TMCC3: variants seen among roughly 807,000 people sequenced by gnomAD.
TMCC3 encodes the protein transmembrane and coiled-coil domain protein 3.
In TMCC3, 28 loss-of-function variants were observed where a neutral mutation model predicts 40.2. That is an observed-to-expected ratio of 0.70 (90% CI 0.52 to 0.95). TMCC3 has a LOEUF of 0.95. Ranked by LOEUF, TMCC3 falls within the 40% of genes least tolerant of loss-of-function variation. The pLI, the probability that TMCC3 is intolerant of heterozygous loss-of-function variation, is 0.00. For synonymous variants in TMCC3, 255 were observed against 248.5 expected (o/e 1.03, Z -0.25); for missense variants, 554 against 615.2 (o/e 0.90, Z 1.05).
chr12:94,649,441 A>C (rs1195878644), intron 1 of TMCC3, among the ~76,000 whole-genome samples: 3 of 152,236 alleles, frequency 2.0e-5, no homozygotes, highest in Non-Finnish European at 4.4e-5. Context: ...ACAAGCGAGT[A>C]AGTAGTTGGC....
intron 1 of TMCC3, among the ~76,000 whole-genome samples, chr12:94,597,302 C>T (rs904505814): frequency 6.7e-6 from 1 of 149,732 alleles, no homozygotes; most frequent in Non-Finnish European, 1.5e-5. Flanking sequence ...GCGACAAAGC[C>T]AGACTCTGTC....
At chr12:94,620,565 G>C (rs1255361567) in intron 1 of TMCC3, among the ~76,000 whole-genome samples, 1 of 151,928 alleles carries the variant, frequency 6.6e-6, no homozygotes, top group East Asian at 1.9e-4. Flanking sequence ...TGGGATTACA[G>C]GCATGAGCTA....
At chr12:94,629,928 C>T (rs559885572) in intron 1 of TMCC3, among the ~76,000 whole-genome samples, 2 of 152,218 alleles carry the variant, frequency 1.3e-5, no homozygotes, top group South Asian at 4.1e-4. Context: ...GTTATATATG[C>T]CCATTTAACA....
At chr12:94,619,849 T>C (rs945814876) in intron 1 of TMCC3, among the ~76,000 whole-genome samples, 1 of 152,198 alleles carries the variant, frequency 6.6e-6, no homozygotes, top group African/African-American at 2.4e-5. Context: ...TCAAGACTAT[T>C]TCTGTAAAGA....
At chr12:94,632,614 C>A (rs1176229075) in intron 1 of TMCC3, among the ~76,000 whole-genome samples, 1 of 152,128 alleles carries the variant, frequency 6.6e-6, no homozygotes, top group African/African-American at 2.4e-5. Context: ...TGAAGAAGTT[C>A]TTTTTTCTTT....
intron 1 of TMCC3, among the ~76,000 whole-genome samples, chr12:94,645,421 A>C (rs1354937439): frequency 3.3e-5 from 5 of 152,074 alleles, no homozygotes; most frequent in African/African-American, 1.2e-4. Context: ...TTCAGATTTC[A>C]GATTTTGGAA....
chr12:94,588,143 C>T (rs1232588080), intron 1 of TMCC3, among the ~76,000 whole-genome samples: 1 of 152,196 alleles, frequency 6.6e-6, no homozygotes, highest in African/African-American at 2.4e-5. Context: ...TCACCGGACA[C>T]GGGCACAGCA....
At chr12:94,615,207 C>G (rs527940673) in intron 1 of TMCC3, among the ~76,000 whole-genome samples, 38 of 152,336 alleles carry the variant, frequency 2.5e-4, no homozygotes, top group African/African-American at 8.7e-4. Context: ...CAAAGAGCCA[C>G]AAGTGAACAC....
At chr12:94,612,618 A>G (rs2138860740) in intron 1 of TMCC3, among the ~76,000 whole-genome samples, 1 of 152,284 alleles carries the variant, frequency 6.6e-6, no homozygotes. Flanking sequence ...CTCAAGTTTT[A>G]AAGTTTGGTT....
intron 1 of TMCC3, among the ~76,000 whole-genome samples, chr12:94,645,280 C>T (rs1779110775): frequency 6.6e-6 from 1 of 152,186 alleles, no homozygotes; most frequent in Non-Finnish European, 1.5e-5. Flanking sequence ...CGCAAGGAGG[C>T]ACAAAATGCT....
At position 94,603,870 on chromosome 12, in the gene TMCC3, G is replaced by A. The variant is rs1359256267; in HGVS notation, c.79-21332C>T. ...TTATAGTACCTGTAACATTACAAATGCACAATGAATAAATGTTAACATACA... is the reference window on the plus strand; with the variant it reads ...TTATAGTACCTGTAACATTACAAATACACAATGAATAAATGTTAACATACA... On this transcript the variant is annotated intron_variant, in intron 1 of 3. Coordinates refer to ENST00000261226, the MANE Select transcript of TMCC3 (RefSeq NM_020698.4). 2.0e-5 allele frequency among the ~76,000 whole-genome samples: 3 copies of A among 152,092 alleles called. No individual in the cohort carries two copies. In the South Asian group the frequency reaches 6.2e-4, roughly 32 times the overall value.
At chr12:94,593,421 A>AAG (rs373351638) in intron 1 of TMCC3, among the ~76,000 whole-genome samples, 1 of 44,300 alleles carries the variant, frequency 2.3e-5, no homozygotes, top group African/African-American at 8.9e-5. Context: ...GAAGAAGAAG[A>AAG]AGGAAGAAGA....
At position 94,567,375 on chromosome 12, in the gene TMCC3, A is replaced by C. The variant is rs1484724862; in HGVS notation, c.*4060T>G. 6.6e-6 allele frequency: 1 copy of C among 152,238 alleles called. No individual in the cohort carries two copies. Among genetic ancestry groups the C allele is most frequent in the Non-Finnish European group, 1.5e-5 (1 of 68,046 alleles). The allele number at this position is 152,238 out of a possible 1,614,324, so 9.4% of individuals were successfully genotyped here. On this transcript the variant is annotated 3_prime_UTR_variant, in exon 4 of 4. Transcript: ENST00000261226. Reference sequence around the variant, plus strand: ...GCTAACTACTGCCTAAACATATCTTAAACACAGAGCACGTTTTGTTGAAAT... The same window carrying C: ...GCTAACTACTGCCTAAACATATCTTCAACACAGAGCACGTTTTGTTGAAAT...
intron 1 of TMCC3, among the ~76,000 whole-genome samples, chr12:94,584,281 C>T (rs1421679985): frequency 6.6e-6 from 1 of 152,080 alleles, no homozygotes; most frequent in East Asian, 1.9e-4. Context: ...TAGCACCTCC[C>T]GTCTCTTGCA....
chr12:94,630,882 T>C (rs1290003), intron 1 of TMCC3, among the ~76,000 whole-genome samples: 146,591 of 152,146 alleles, frequency 0.96, 70,707 homozygotes, highest in African/African-American at 0.99. Context: ...GCACCCGCCA[T>C]CACACCCAGC....
intron 1 of TMCC3, among the ~76,000 whole-genome samples, chr12:94,639,904 C>T (rs1487523343): frequency 6.6e-6 from 1 of 152,026 alleles, no homozygotes; most frequent in Non-Finnish European, 1.5e-5. Flanking sequence ...TTTCACAACC[C>T]ATGAGTGGGA....
chr12:94,634,045 A>G (rs1185833399), intron 1 of TMCC3, among the ~76,000 whole-genome samples: 2 of 151,642 alleles, frequency 1.3e-5, no homozygotes, highest in Non-Finnish European at 2.9e-5. Context: ...TCCCGGGTTC[A>G]AACGATTTTC....
chr12:94,601,183 A>T (rs1228696259), intron 1 of TMCC3, among the ~76,000 whole-genome samples: 1 of 152,196 alleles, frequency 6.6e-6, no homozygotes, highest in African/African-American at 2.4e-5. Context: ...TAATTTTATT[A>T]TGTAGAAAAA....
intron 1 of TMCC3, among the ~76,000 whole-genome samples, chr12:94,632,834 T>C (rs2068940497): frequency 6.6e-6 from 1 of 152,176 alleles, no homozygotes; most frequent in African/African-American, 2.4e-5. Context: ...AAACTGTAAT[T>C]ACAAGGCTGG....
Sources: allele counts gnomAD v4.1 joint callset (sites outside exome capture counted in the v4.1 genomes callset), GRCh38; gene constraint gnomAD v4.1.1; transcripts MANE v1.5; gene names NCBI Gene and HGNC (gene_info 2026-07-23, HGNC 2026-07-21).